Variants in C14orf39 observed in about 807,000 individuals in gnomAD.
C14orf39 encodes protein SIX6OS1.
Under a neutral mutation model 85.6 loss-of-function variants are expected in C14orf39, and 66 were observed. The ratio of observed to expected loss-of-function variants is 0.77; its 90% CI spans 0.63 to 0.95. The LOEUF (loss-of-function observed/expected upper bound fraction) is 0.95. Among genes scored for constraint, C14orf39 ranks in the 40% least tolerant of loss-of-function variants. C14orf39 has a pLI of 0.00. For synonymous variants in C14orf39, 242 were observed against 214.0 expected (o/e 1.13, Z -1.14); for missense variants, 735 against 663.9 (o/e 1.11, Z -1.18).
rs749735167 is a variant in C14orf39 at position 60,442,057 on chromosome 14, A to G, written c.1561+17T>C. 12 of 1,595,396 alleles carry G rather than the reference A, an allele frequency of 7.5e-6. No individual in the cohort carries two copies. The highest frequency in any genetic ancestry group is 1.7e-4 in the Middle Eastern group (1 of 6,038). ...AGTTAACATGTTTTTAAAGGTAGCA[A>G]ACTTCAAACAACTTACCAATCTCTT... On this transcript the variant is annotated intron_variant, in intron 17 of 17. Coordinates refer to ENST00000321731, the MANE Select transcript of C14orf39 (RefSeq NM_174978.3).
chr14:60,478,487 A>T, intron 4 of C14orf39, 98 bp from the exon 5 acceptor site: 1 of 546,168 alleles, frequency 1.8e-6, no homozygotes, highest in Non-Finnish European at 3.0e-6. Flanking sequence ...AGAGAAACGA[A>T]TCTTTCTCTT....
At chr14:60,492,649 G>A (rs1893008331) in intron 2 of C14orf39, among the ~76,000 whole-genome samples, 2 of 151,918 alleles carry the variant, frequency 1.3e-5, no homozygotes, top group Admixed American at 1.3e-4. Flanking sequence ...TGTGTGTGCT[G>A]GTATGTGCCT....
intron 16 of C14orf39, among the ~76,000 whole-genome samples, chr14:60,453,217 G>C (rs1408694519): frequency 6.6e-6 from 1 of 151,882 alleles, no homozygotes; most frequent in African/African-American, 2.4e-5. Flanking sequence ...GTTACATTTT[G>C]TTTCATGTAT....
At chr14:60,488,088 A>C (rs113723623), upstream of C14orf39, among the ~76,000 whole-genome samples, 444 of 152,240 alleles carry the variant, frequency 2.9e-3, 1 homozygote, top group African/African-American at 0.01. Flanking sequence ...ATAAAGTGTA[A>C]ATCTATTTTG....
intron 4 of C14orf39, 63 bp from the exon 5 acceptor site, chr14:60,478,452 TA>T (rs554378903): frequency 2.7e-4 from 208 of 774,434 alleles, no homozygotes; most frequent in Non-Finnish European, 3.6e-4. Context: ...ATAGAGATAA[TA>T]AAAAAAAGAA....
intron 16 of C14orf39, among the ~76,000 whole-genome samples, chr14:60,452,461 G>A (rs1408142546): frequency 5.9e-5 from 9 of 151,994 alleles, no homozygotes; most frequent in African/African-American, 2.2e-4. Context: ...TGAACTCATG[G>A]AGATAGAGAG....
chr14:60,507,272 G>A (rs1893216520), intron 1 of C14orf39, among the ~76,000 whole-genome samples: 1 of 152,126 alleles, frequency 6.6e-6, no homozygotes, highest in African/African-American at 2.4e-5. Flanking sequence ...GCCCTCCCGG[G>A]TCCGGCTTCA....
At chr14:60,453,499 A>G (rs1321425172) in intron 16 of C14orf39, among the ~76,000 whole-genome samples, 2 of 148,114 alleles carry the variant, frequency 1.4e-5, no homozygotes, top group Admixed American at 1.3e-4. Flanking sequence ...TTTTTTTTCC[A>G]TTCTTACAAT....
chr14:60,510,045 C>T (rs1893267425), intron 1 of C14orf39: 1 of 1,333,200 alleles, frequency 7.5e-7, no homozygotes, highest in Non-Finnish European at 1.1e-6. Context: ...GCGCCCTTAC[C>T]CAGTCCCTGG....
At chr14:60,442,006 TAG>T in intron 17 of C14orf39, 66 bp downstream of exon 17, 1 of 1,056,316 alleles carries the variant, frequency 9.5e-7, no homozygotes, top group Non-Finnish European at 1.4e-6. Context: ...GAAAATAAGT[TAG>T]AGAAACTAAA....
intron 11 of C14orf39, 28 bp downstream of exon 11, chr14:60,465,951 T>G (rs202107027): frequency 7.8e-7 from 1 of 1,287,762 alleles, no homozygotes; most frequent in East Asian, 2.5e-5. Context: ...AGGTATTTAA[T>G]TTATACTACT....
intron 16 of C14orf39, among the ~76,000 whole-genome samples, chr14:60,444,568 G>C (rs1038916374): frequency 1.3e-5 from 2 of 152,192 alleles, no homozygotes; most frequent in Non-Finnish European, 2.9e-5. Flanking sequence ...CCAAATATAC[G>C]TTTGATTGGT....
chr14:60,455,193 C>T, intron 15 of C14orf39, 48 bp from the exon 16 acceptor site: 3 of 1,340,626 alleles, frequency 2.2e-6, no homozygotes, highest in Non-Finnish European at 3.1e-6. Context: ...TTATTAAACA[C>T]TGAATACTGG....
intron 7 of C14orf39, 52 bp from the exon 8 acceptor site, chr14:60,469,705 T>C (rs769082592): frequency 1.2e-5 from 9 of 754,598 alleles, no homozygotes; most frequent in Non-Finnish European, 1.5e-5. Flanking sequence ...ATTTATAATA[T>C]ATGTGCCATA....
In C14orf39 at chr14:60,461,313, T is replaced by C. The variant is rs1187514255; in HGVS notation, c.1117+41A>G. Reference sequence around the variant, plus strand: ...TAATGTAAAAACCTGATATAATTTGTTACCCCGACTTCTTAGAAGAAAAAT... The same window carrying C: ...TAATGTAAAAACCTGATATAATTTGCTACCCCGACTTCTTAGAAGAAAAAT... On this transcript the variant is annotated intron_variant, in intron 13 of 17. Coordinates refer to ENST00000321731, the MANE Select transcript of C14orf39 (RefSeq NM_174978.3). 2.0e-6 allele frequency: 3 copies of C among 1,534,072 alleles called. No individual in the cohort carries two copies. The Admixed American group carries it at 5.3e-5, about 27-fold the overall frequency.
chr14:60,501,901 T>A (rs375922572), intron 1 of C14orf39, among the ~76,000 whole-genome samples: 5 of 152,160 alleles, frequency 3.3e-5, no homozygotes, highest in Non-Finnish European at 7.4e-5. Context: ...TTGTTGAGAA[T>A]TTACTATGTG....
intron 17 of C14orf39, among the ~76,000 whole-genome samples, chr14:60,441,419 A>G (rs1393790814): frequency 3.9e-5 from 6 of 152,206 alleles, no homozygotes; most frequent in African/African-American, 1.4e-4. Flanking sequence ...ACCTACCATT[A>G]TCTCTTATCT....
chr14:60,476,417 G>A (rs1005414598), intron 5 of C14orf39, among the ~76,000 whole-genome samples: 5 of 152,196 alleles, frequency 3.3e-5, no homozygotes, highest in African/African-American at 1.2e-4. Flanking sequence ...CTTGAACAGG[G>A]ATGGGAGATT....
chr14:60,511,627 TA>T, intron 1 of C14orf39: 1 of 383,924 alleles, frequency 2.6e-6, no homozygotes, highest in Non-Finnish European at 4.9e-6. Context: ...ACTTTCGCTT[TA>T]AAGTTTTTTT....
Sources: allele counts gnomAD v4.1 joint callset (sites outside exome capture counted in the v4.1 genomes callset), GRCh38; gene constraint gnomAD v4.1.1; transcripts MANE v1.5; gene names NCBI Gene and HGNC (gene_info 2026-07-23, HGNC 2026-07-21).